Variants in CDH23 observed in about 807,000 individuals in gnomAD.
CDH23 encodes cadherin related 23.
In CDH23, 189 loss-of-function variants were observed where a neutral mutation model predicts 317.1. That is an observed-to-expected ratio of 0.60 (90% CI 0.53 to 0.67). The LOEUF is 0.67. Ranked by LOEUF, CDH23 falls within the 30% of genes least tolerant of loss-of-function variation. The pLI is 0.00. For missense variants in CDH23, 4,401 were observed against 4,592.4 expected (o/e 0.96, Z 1.20); for synonymous variants, 1,839 against 1,876.8 (o/e 0.98, Z 0.52).
intron 69 of CDH23, 126 bp from the exon 70 acceptor site, chr10:71,814,826 A>C (rs1842073244): frequency 1.1e-5 from 12 of 1,107,618 alleles, no homozygotes; most frequent in Non-Finnish European, 1.5e-5. Context: ...TGAGAAACAG[A>C]GTCTGACAGG....
chr10:71,420,609 GCTA>G, intron 1 of CDH23, among the ~76,000 whole-genome samples: 1 of 146,574 alleles, frequency 6.8e-6, no homozygotes, highest in South Asian at 2.2e-4. Context: ...TGATGCTGCT[GCTA>G]CTAATAATAG....
chr10:71,787,789 G>A (rs1455366122), intron 44 of CDH23, among the ~76,000 whole-genome samples: 2 of 152,182 alleles, frequency 1.3e-5, no homozygotes, highest in East Asian at 1.9e-4. Flanking sequence ...AGTCCTCTGT[G>A]GATGGACACT....
chr10:71,527,596 A>C (rs1330123624), intron 6 of CDH23, among the ~76,000 whole-genome samples: 1 of 152,168 alleles, frequency 6.6e-6, no homozygotes, highest in Non-Finnish European at 1.5e-5. Context: ...CAGTGTCCAC[A>C]TGGGGACAGC....
chr10:71,523,883 T>C (rs1398570472), intron 6 of CDH23, among the ~76,000 whole-genome samples: 1 of 152,160 alleles, frequency 6.6e-6, no homozygotes, highest in Non-Finnish European at 1.5e-5. Flanking sequence ...TAAAGATTCT[T>C]TCCCCTGCTC....
intron 41 of CDH23, 30 bp from the exon 42 acceptor site, chr10:71,784,257 C>A (rs1186499497): frequency 1.2e-6 from 2 of 1,601,650 alleles, no homozygotes; most frequent in East Asian, 4.5e-5. Context: ...CAATGCCCGA[C>A]TAACTTGGGC....
At chr10:71,755,491 G>C in intron 38 of CDH23, 1 of 1,589,842 alleles carries the variant, frequency 6.3e-7, no homozygotes, top group South Asian at 1.1e-5. Context: ...AGGTAGCCAA[G>C]GTGAAGCCCC....
At chr10:71,737,530 C>T (rs932004293) in intron 34 of CDH23, among the ~76,000 whole-genome samples, 3 of 152,348 alleles carry the variant, frequency 2.0e-5, no homozygotes, top group Non-Finnish European at 4.4e-5. Context: ...TCCTCTGCAG[C>T]ATGCACAGGC....
rs867364295 is a variant in CDH23 at position 71,803,262 on chromosome 10, C to A, written c.7714C>A (p.Gln2572Lys). The A allele has an allele frequency of 3.8e-6, 6 of 1,595,150 alleles. No homozygotes were observed. In the South Asian group the frequency reaches 6.8e-5, roughly 18 times the overall value. Residue 2572 changes from glutamine to lysine, a missense_variant, in exon 55 of 70, where the codon CAG becomes AAG. Gln to Lys is a moderately conservative substitution (Grantham distance 53). Transcript: ENST00000224721. ...CTTGGTGACCACACAGCGGCCACTG[C>A]AGTCCTACGAGAAGTTCAGTCTGAC... ...SGLVTTQRPLQSYEKFSLTVV... is the reference protein window; with the variant it reads ...SGLVTTQRPLKSYEKFSLTVV...
intron 3 of CDH23, among the ~76,000 whole-genome samples, chr10:71,465,795 G>T (rs1851223439): frequency 6.6e-6 from 1 of 152,194 alleles, no homozygotes; most frequent in African/African-American, 2.4e-5. Context: ...AAAGCAAACG[G>T]CCGAAAGCCA....
chr10:71,421,850 G>C (rs1848834058), intron 1 of CDH23, among the ~76,000 whole-genome samples: 1 of 151,612 alleles, frequency 6.6e-6, no homozygotes, highest in Non-Finnish European at 1.5e-5. Context: ...GTGTGTGTGT[G>C]TCTGAATGGG....
chr10:71,616,495 C>T (rs758068926), intron 10 of CDH23, among the ~76,000 whole-genome samples: 8 of 152,196 alleles, frequency 5.3e-5, no homozygotes, highest in Non-Finnish European at 1.2e-4. Context: ...GAGAGCTGCC[C>T]CCTGGTCCCA....
At chr10:71,646,089 C>CT in intron 13 of CDH23, 109 bp downstream of exon 13, 1 of 1,385,598 alleles carries the variant, frequency 7.2e-7, no homozygotes, top group South Asian at 1.3e-5. Flanking sequence ...TGCTGCCCAT[C>CT]TTCCCTTGTG....
chr10:71,419,835 T>C (rs1589282187), intron 1 of CDH23, among the ~76,000 whole-genome samples: 2 of 152,102 alleles, frequency 1.3e-5, no homozygotes, highest in East Asian at 3.9e-4. Context: ...GAAACTTTAT[T>C]CAGGCAGGAG....
chr10:71,741,978 C>T (rs1011233063), intron 38 of CDH23, 57 bp downstream of exon 38: 27 of 1,355,902 alleles, frequency 2.0e-5, no homozygotes, highest in East Asian at 1.5e-4. Flanking sequence ...GCTCCGCCTC[C>T]GAGTGAGGGG....
At chr10:71,803,109 T>TG (rs1266907926) in intron 54 of CDH23, 34 bp downstream of exon 54, 7 of 1,345,720 alleles carry the variant, frequency 5.2e-6, no homozygotes, top group South Asian at 4.7e-5. Flanking sequence ...CATGATGTCT[T>TG]GGGGGGTGGG....
chr10:71,762,004 G>C (rs140045464), intron 38 of CDH23: 2 of 1,606,890 alleles, frequency 1.2e-6, no homozygotes, highest in Non-Finnish European at 1.7e-6. Flanking sequence ...ACGGCGTGGC[G>C]ACCTTGAAGG....
chr10:71,811,137 G>C (rs1841908442), intron 62 of CDH23, among the ~76,000 whole-genome samples, 178 bp from the exon 63 acceptor site: 1 of 149,686 alleles, frequency 6.7e-6, no homozygotes, highest in South Asian at 2.1e-4. Flanking sequence ...GATGGAACAG[G>C]ATCCTACATG....
At chr10:71,420,503 G>A (rs1589283403) in intron 1 of CDH23, among the ~76,000 whole-genome samples, 9 of 134,898 alleles carry the variant, frequency 6.7e-5, no homozygotes, top group South Asian at 2.6e-4. Context: ...GATGGTAATG[G>A]TGATGGTGAT....
intron 6 of CDH23, among the ~76,000 whole-genome samples, chr10:71,527,699 T>A (rs1465421382): frequency 1.3e-5 from 2 of 152,170 alleles, no homozygotes; most frequent in Non-Finnish European, 2.9e-5. Context: ...GGCCTGGGTA[T>A]GAATTCTGAC....
Sources: gnomAD v4.1 joint callset for allele counts (sites outside exome capture counted in the v4.1 genomes callset) on GRCh38, gnomAD v4.1.1 for gene constraint, MANE v1.5 for transcripts, NCBI Gene and HGNC (gene_info 2026-07-23, HGNC 2026-07-21) for gene names.